The following MCU variants were observed in gnomAD, a reference collection of about 807,000 sequenced individuals.
MCU encodes calcium uniporter protein, mitochondrial.
In MCU, 12 loss-of-function variants were observed where a neutral mutation model predicts 45.2. That is an observed-to-expected ratio of 0.27 (90% CI 0.17 to 0.43). The LOEUF is 0.43. Ranked by LOEUF, MCU falls within the 20% of genes least tolerant of loss-of-function variation. The pLI is 1.00. For synonymous variants in MCU, 160 were observed against 165.1 expected (o/e 0.97, Z 0.24); for missense variants, 324 against 436.7 (o/e 0.74, Z 2.30).
intron 1 of MCU, among the ~76,000 whole-genome samples, chr10:72,749,428 T>C (rs1241463624): frequency 2.0e-5 from 3 of 152,224 alleles, no homozygotes; most frequent in Non-Finnish European, 4.4e-5. Flanking sequence ...TATATGCAAT[T>C]ATATAATGCA....
chr10:72,859,167 T>C lies in MCU; in HGVS notation c.221-10T>C, dbSNP rs1845337889. The C allele has an allele frequency of 2.6e-6, 4 of 1,564,650 alleles. No individual in the cohort carries two copies. The highest frequency in any genetic ancestry group is 2.7e-5 in the African/African-American group (2 of 73,214). On this transcript the variant is annotated splice_polypyrimidine_tract_variant and intron_variant, in intron 2 of 7. Transcript: ENST00000373053. Reference sequence around the variant, plus strand: ...CAATTATCATATGTTTGTGGGTCTTTTTCATTCAGATGTTACAGTGGTTTA... The same window carrying C: ...CAATTATCATATGTTTGTGGGTCTTCTTCATTCAGATGTTACAGTGGTTTA...
At chr10:72,749,903 A>G (rs1843469648) in intron 1 of MCU, among the ~76,000 whole-genome samples, 1 of 150,914 alleles carries the variant, frequency 6.6e-6, no homozygotes. Context: ...AGTAGCTGGG[A>G]CTACAGGCGT....
intron 2 of MCU, among the ~76,000 whole-genome samples, chr10:72,838,532 G>C (rs949011579): frequency 6.6e-6 from 1 of 152,054 alleles, no homozygotes; most frequent in Admixed American, 6.6e-5. Context: ...GATTGCTTGA[G>C]CCCAAGGAGG....
chr10:72,856,244 G>C (rs1845288571), intron 2 of MCU, among the ~76,000 whole-genome samples: 1 of 152,176 alleles, frequency 6.6e-6, no homozygotes, highest in Non-Finnish European at 1.5e-5. Flanking sequence ...GTTACCCAGG[G>C]ATTAACTGGG....
At chr10:72,759,271 A>G (rs1843621002) in intron 1 of MCU, among the ~76,000 whole-genome samples, 1 of 152,146 alleles carries the variant, frequency 6.6e-6, no homozygotes, top group African/African-American at 2.4e-5. Context: ...TGATTGATTG[A>G]GCAAGCAGGG....
chr10:72,876,457 A>G (rs1287217920), intron 6 of MCU, among the ~76,000 whole-genome samples: 2 of 152,158 alleles, frequency 1.3e-5, no homozygotes, highest in Non-Finnish European at 2.9e-5. Context: ...CTAATATTGG[A>G]CTAATCTAGA....
chr10:72,744,231 CTTTTTTT>C (rs76110060), intron 1 of MCU, among the ~76,000 whole-genome samples: 3 of 109,532 alleles, frequency 2.7e-5, no homozygotes, highest in African/African-American at 6.7e-5. Context: ...TCCAAAGATG[CTTTTTTT>C]TTTTTTTTTA....
chr10:72,873,602 T>TC (rs1191704851), intron 6 of MCU, among the ~76,000 whole-genome samples: 4 of 152,136 alleles, frequency 2.6e-5, no homozygotes, highest in African/African-American at 9.7e-5. Flanking sequence ...CAAGAGCTTT[T>TC]TAGTTTGATA....
chr10:72,861,654 TA>T, intron 4 of MCU: 3 of 376,688 alleles, frequency 8.0e-6, no homozygotes, highest in Admixed American at 3.3e-5. Context: ...GCCGCCAGGC[TA>T]ATTTTTTTTT....
At chr10:72,703,869 C>T (rs1433705786) in intron 1 of MCU, among the ~76,000 whole-genome samples, 1 of 150,954 alleles carries the variant, frequency 6.6e-6, no homozygotes, top group African/African-American at 2.5e-5. Context: ...CCAGTCTGGG[C>T]GACAGCAAGA....
intron 6 of MCU, among the ~76,000 whole-genome samples, chr10:72,879,554 C>T (rs1047928890): frequency 4.6e-5 from 7 of 152,124 alleles, no homozygotes; most frequent in African/African-American, 1.7e-4. Context: ...GAATTTGTCA[C>T]CATCAGATCT....
intron 1 of MCU, among the ~76,000 whole-genome samples, chr10:72,780,715 G>A (rs2132751052): frequency 6.6e-6 from 1 of 152,214 alleles, no homozygotes; most frequent in South Asian, 2.1e-4. Context: ...CCCATCATCT[G>A]GAAAGATCTA....
intron 1 of MCU, among the ~76,000 whole-genome samples, chr10:72,787,950 C>G (rs1468362008): frequency 6.6e-6 from 1 of 152,122 alleles, no homozygotes; most frequent in East Asian, 1.9e-4. Context: ...CTCCTGACCT[C>G]AGGTGATCCA....
intron 1 of MCU, among the ~76,000 whole-genome samples, chr10:72,753,964 A>G (rs541963540): frequency 1.3e-5 from 2 of 152,324 alleles, no homozygotes; most frequent in African/African-American, 4.8e-5. Context: ...TTCCCAGATG[A>G]GGAAACTGAG....
chr10:72,886,135 ATCT>A lies in MCU; in HGVS notation c.*318_*320del. 1 of 217,296 alleles carries A rather than the reference ATCT, an allele frequency of 4.6e-6. No individual in the cohort carries two copies. Among genetic ancestry groups the A allele is most frequent in the East Asian group, 1.1e-4 (1 of 9,186 alleles). The allele number at this position is 217,296 out of a possible 1,614,324, so 13.5% of individuals were successfully genotyped here. A position where few individuals can be genotyped will look rare whatever the true frequency, so the allele number is the denominator to read the frequency against. ...AATGCTGGGGGTGTTCGTTTCTTGC[ATCT>A]TCTTTGCAGAGTCAGCAAAAGAGTA... On this transcript the variant is annotated 3_prime_UTR_variant, in exon 8 of 8. Transcript: ENST00000373053.
chr10:72,813,273 G>A (rs1311126056), intron 1 of MCU, among the ~76,000 whole-genome samples: 2 of 149,878 alleles, frequency 1.3e-5, no homozygotes, highest in Non-Finnish European at 3.0e-5. Context: ...AACATTTAGA[G>A]TCAGTGTCTT....
chr10:72,838,952 A>G (rs1031479009), intron 2 of MCU, among the ~76,000 whole-genome samples: 1 of 151,786 alleles, frequency 6.6e-6, no homozygotes, highest in Admixed American at 6.6e-5. Flanking sequence ...ACATACCATA[A>G]AATTTACCCA....
At chr10:72,788,122 G>A (rs917975209) in intron 1 of MCU, among the ~76,000 whole-genome samples, 3 of 152,222 alleles carry the variant, frequency 2.0e-5, no homozygotes, top group African/African-American at 7.2e-5. Flanking sequence ...GAAGAAACAA[G>A]AACAGGTTCT....
chr10:72,750,523 T>C (rs1291778652), intron 1 of MCU, among the ~76,000 whole-genome samples: 1 of 152,192 alleles, frequency 6.6e-6, no homozygotes, highest in Non-Finnish European at 1.5e-5. Flanking sequence ...ATCCTAGCAT[T>C]TATGTGGATG....
Sources: allele counts gnomAD v4.1 joint callset (sites outside exome capture counted in the v4.1 genomes callset), GRCh38; gene constraint gnomAD v4.1.1; transcripts MANE v1.5; gene names NCBI Gene and HGNC (gene_info 2026-07-23, HGNC 2026-07-21).